The following HS3ST4 variants were observed in gnomAD, a reference collection of about 807,000 sequenced individuals.
The protein encoded by HS3ST4 is heparan sulfate-glucosamine 3-sulfotransferase 4, also known as heparan sulfate glucosamine 3-O-sulfotransferase 4.
Under a neutral mutation model 29.2 loss-of-function variants are expected in HS3ST4, and 17 were observed. The ratio of observed to expected loss-of-function variants is 0.58; its 90% CI spans 0.40 to 0.87. The LOEUF (loss-of-function observed/expected upper bound fraction) is 0.87, where lower values mean the gene tolerates loss of function less well. Ranked by LOEUF, HS3ST4 falls within the 40% of genes least tolerant of loss-of-function variation. The probability of loss-of-function intolerance (pLI) is 0.00; values close to 1 mark genes in which losing one functional copy is unlikely to be tolerated. For synonymous variants in HS3ST4, 314 were observed against 285.7 expected, an observed-to-expected ratio of 1.10 and a Z score of -1.00; for missense variants, 627 against 634.5, an observed-to-expected ratio of 0.99 and a Z score of 0.13.
At chr16:26,030,060 T>G (rs1969518227) in intron 1 of HS3ST4, among the ~76,000 whole-genome samples, 2 of 152,222 alleles carry the variant, frequency 1.3e-5, no homozygotes, top group South Asian at 4.1e-4. Context: ...AGCATGGGTC[T>G]AGGGACATTT....
At chr16:25,738,007 C>T (rs1180370821) in intron 1 of HS3ST4, among the ~76,000 whole-genome samples, 1 of 150,876 alleles carries the variant, frequency 6.6e-6, no homozygotes, top group Admixed American at 6.6e-5. Flanking sequence ...TGGGTTCAAG[C>T]AATTCTCCTG....
intron 1 of HS3ST4, among the ~76,000 whole-genome samples, chr16:25,894,364 G>A (rs1193280511): frequency 6.6e-6 from 1 of 152,192 alleles, no homozygotes; most frequent in East Asian, 1.9e-4. Context: ...AATCATTGAT[G>A]TTGTGGGAGG....
intron 1 of HS3ST4, among the ~76,000 whole-genome samples, chr16:25,870,437 A>G (rs964677706): frequency 6.6e-6 from 1 of 152,218 alleles, no homozygotes; most frequent in African/African-American, 2.4e-5. Flanking sequence ...TGACATCTGC[A>G]TAAAGATTTA....
At chr16:26,091,488 G>T (rs1292963835) in intron 1 of HS3ST4, among the ~76,000 whole-genome samples, 1 of 152,122 alleles carries the variant, frequency 6.6e-6, no homozygotes, top group African/African-American at 2.4e-5. Flanking sequence ...GGTGTTATTT[G>T]CTCCTGTGGC....
At chr16:25,711,373 G>C (rs1464436811) in intron 1 of HS3ST4, among the ~76,000 whole-genome samples, 1 of 151,154 alleles carries the variant, frequency 6.6e-6, no homozygotes, top group Non-Finnish European at 1.5e-5. Context: ...AAAGGAAAGG[G>C]AGAAAAAAAA....
At chr16:25,975,439 A>G (rs1025190370) in intron 1 of HS3ST4, among the ~76,000 whole-genome samples, 2 of 152,182 alleles carry the variant, frequency 1.3e-5, no homozygotes, top group African/African-American at 4.8e-5. Context: ...AAGTTTGGGA[A>G]GAGCAAAAGA....
intron 1 of HS3ST4, among the ~76,000 whole-genome samples, chr16:26,122,852 T>C (rs145516854): frequency 0.017 from 2,626 of 152,136 alleles, 64 homozygotes; most frequent in African/African-American, 0.058. Flanking sequence ...GTCAGGAGTT[T>C]GAGACCAGCC....
intron 1 of HS3ST4, among the ~76,000 whole-genome samples, chr16:25,757,648 G>A (rs1187850683): frequency 6.6e-6 from 1 of 151,262 alleles, no homozygotes; most frequent in Non-Finnish European, 1.5e-5. Context: ...GTCATGCCCT[G>A]GTCATATGTT....
At chr16:25,828,278 T>C (rs1389417680) in intron 1 of HS3ST4, among the ~76,000 whole-genome samples, 1,398 of 87,662 alleles carry the variant, frequency 0.016, 119 homozygotes, top group African/African-American at 0.042. Flanking sequence ...CTTTCTTTCT[T>C]TCTTTCTTTC....
intron 1 of HS3ST4, among the ~76,000 whole-genome samples, chr16:25,927,319 G>A (rs545606104): frequency 6.6e-6 from 1 of 152,300 alleles, no homozygotes; most frequent in Admixed American, 6.5e-5. Context: ...TTTTGGGAAT[G>A]TTGGAAGCAA....
At chr16:26,024,014 C>T (rs1383926709) in intron 1 of HS3ST4, among the ~76,000 whole-genome samples, 4 of 151,924 alleles carry the variant, frequency 2.6e-5, no homozygotes, top group African/African-American at 4.8e-5. Context: ...CACTTGAGAT[C>T]GGGAGTTTGA....
chr16:25,856,648 T>TA (rs759951952), intron 1 of HS3ST4, among the ~76,000 whole-genome samples: 27 of 152,018 alleles, frequency 1.8e-4, no homozygotes, highest in African/African-American at 3.4e-4. Context: ...GATAATGAGC[T>TA]AAAAAAAATC....
chr16:26,130,830 A>G (rs754929491), intron 1 of HS3ST4, among the ~76,000 whole-genome samples: 1 of 152,224 alleles, frequency 6.6e-6, no homozygotes, highest in Non-Finnish European at 1.5e-5. Context: ...AACACAGGAC[A>G]TAGATGTCCA....
intron 1 of HS3ST4, among the ~76,000 whole-genome samples, chr16:25,814,521 A>G (rs941312967): frequency 4.0e-5 from 6 of 150,356 alleles, no homozygotes; most frequent in African/African-American, 1.3e-4. Flanking sequence ...TAATTTTTCT[A>G]TCTTTAGTAG....
intron 1 of HS3ST4, among the ~76,000 whole-genome samples, chr16:25,866,003 A>G (rs879814111): frequency 2.0e-5 from 3 of 152,238 alleles, no homozygotes; most frequent in Non-Finnish European, 4.4e-5. Context: ...TCTTCTGCAC[A>G]GCCAAGAAAA....
chr16:25,801,706 T>C (rs117142099), intron 1 of HS3ST4, among the ~76,000 whole-genome samples: 1 of 152,312 alleles, frequency 6.6e-6, no homozygotes, highest in Non-Finnish European at 1.5e-5. Flanking sequence ...CGTTTTTCTT[T>C]GGGACATCGT....
At chr16:25,988,189 G>A (rs1969081666) in intron 1 of HS3ST4, among the ~76,000 whole-genome samples, 1 of 152,188 alleles carries the variant, frequency 6.6e-6, no homozygotes, top group South Asian at 2.1e-4. Flanking sequence ...GGTGGCAGCT[G>A]GGCCCGCTCA....
At chr16:25,779,168 A>G (rs981771908) in intron 1 of HS3ST4, among the ~76,000 whole-genome samples, 1 of 152,198 alleles carries the variant, frequency 6.6e-6, no homozygotes, top group Non-Finnish European at 1.5e-5. Context: ...CTGTGGGTGG[A>G]GTTGGATCCA....
At chr16:25,698,251 A>G (rs1180819751) in intron 1 of HS3ST4, among the ~76,000 whole-genome samples, 1 of 152,168 alleles carries the variant, frequency 6.6e-6, no homozygotes, top group Non-Finnish European at 1.5e-5. Flanking sequence ...TATATTAAGT[A>G]GAATGATTAG....
Sources: allele counts gnomAD v4.1 joint callset (sites outside exome capture counted in the v4.1 genomes callset), GRCh38; gene constraint gnomAD v4.1.1; transcripts MANE v1.5; gene names NCBI Gene and HGNC (gene_info 2026-07-23, HGNC 2026-07-21).